Variants in OTOG observed in about 807,000 individuals in gnomAD.
OTOG encodes otogelin.
A neutral mutation model predicts 313.8 loss-of-function variants in OTOG; 296 were observed. That is an observed-to-expected ratio of 0.94 (90% CI 0.86 to 1.04). The LOEUF is 1.04. Ranked by LOEUF, OTOG falls within the 50% of genes least tolerant of loss-of-function variation. The probability of loss-of-function intolerance (pLI) is 0.00; values close to 1 mark genes in which losing one functional copy is unlikely to be tolerated. For synonymous variants in OTOG, 1,533 were observed against 1,554.9 expected (o/e 0.99, Z 0.33); for missense variants, 3,948 against 3,840.1 (o/e 1.03, Z -0.74).
intron 39 of OTOG, among the ~76,000 whole-genome samples, chr11:17,621,050 T>G (rs79787671): frequency 1.3e-5 from 2 of 152,222 alleles, no homozygotes; most frequent in Non-Finnish European, 2.9e-5. Flanking sequence ...TTGTATTTCC[T>G]TGTCTACCGT....
intron 24 of OTOG, among the ~76,000 whole-genome samples, chr11:17,589,211 G>C (rs985523798): frequency 6.6e-6 from 1 of 152,014 alleles, no homozygotes; most frequent in Admixed American, 6.6e-5. Context: ...GGCTCAGAAG[G>C]GTCGAAAAGG....
intron 4 of OTOG, 134 bp from the exon 5 acceptor site, chr11:17,552,985 C>T: frequency 1.3e-6 from 1 of 783,650 alleles, no homozygotes; most frequent in South Asian, 1.7e-5. Flanking sequence ...CCAGCTTGTG[C>T]TAGCTGCTGA....
chr11:17,553,143 G>C lies in OTOG; in HGVS notation c.317G>C (p.Gly106Ala). Reference sequence around the variant, plus strand: ...GACTTGTTCTCCTGCTTCAATGGAGGCGAGTGTGTGCACCCAGCCTTCTGT... The same window carrying C: ...GACTTGTTCTCCTGCTTCAATGGAGCCGAGTGTGTGCACCCAGCCTTCTGT... ...PSYLFSCFNG[G>A]ECVHPAFCDC... The change falls in exon 5 of 56, where the codon GGC becomes GCC. Residue 106 changes from glycine to alanine, a missense_variant. Physicochemically the swap from Gly to Ala is moderately conservative, Grantham distance 60. Transcript: ENST00000399397. The C allele has an allele frequency of 6.4e-7, 1 of 1,550,574 alleles. No individual in the cohort carries two copies. Among genetic ancestry groups the C allele is most frequent in the Non-Finnish European group, 8.7e-7 (1 of 1,146,990 alleles).
rs1313857647 is a variant in OTOG at position 17,639,335 on chromosome 11, G to T, written c.7895-88G>T. 2.9e-5 allele frequency: 40 copies of T among 1,399,162 alleles called. 2 individuals carry two copies. In the Middle Eastern group the frequency reaches 5.3e-4, roughly 18 times the overall value. The allele number at this position is 1,399,162 out of a possible 1,614,324, so 86.7% of individuals were successfully genotyped here. On this transcript the variant is annotated intron_variant, in intron 48 of 55. Coordinates refer to ENST00000399397, the MANE Select transcript of OTOG (RefSeq NM_001292063.2). ...GAGCTGGGTCTTCAGAAGACGGGTT[G>T]TGCCAGCAGTGAGAGGTCCAGGGTA...
chr11:17,585,279 A>G (rs1026699300), intron 23 of OTOG, among the ~76,000 whole-genome samples: 1 of 152,144 alleles, frequency 6.6e-6, no homozygotes, highest in Non-Finnish European at 1.5e-5. Context: ...TAAGTTGTCA[A>G]ATTTATTCAC....
chr11:17,574,597 T>G (rs557813419), intron 19 of OTOG, 123 bp from the exon 20 acceptor site: 2 of 1,004,670 alleles, frequency 2.0e-6, no homozygotes, highest in Non-Finnish European at 2.8e-6. Flanking sequence ...ACCTGCTGTG[T>G]GACCTCAGAC....
intron 3 of OTOG, among the ~76,000 whole-genome samples, chr11:17,551,538 G>A (rs1851932469): frequency 6.6e-6 from 1 of 152,074 alleles, no homozygotes; most frequent in Non-Finnish European, 1.5e-5. Context: ...GGAAGGTTGG[G>A]GTGGGGGTGG....
chr11:17,600,636 C>T (rs1853226346), intron 31 of OTOG, among the ~76,000 whole-genome samples: 1 of 152,138 alleles, frequency 6.6e-6, no homozygotes, highest in African/African-American at 2.4e-5. Flanking sequence ...GCAGTTCTGC[C>T]AAAATGCTAG....
intron 31 of OTOG, among the ~76,000 whole-genome samples, chr11:17,601,556 T>G (rs999874375): frequency 5.4e-5 from 8 of 147,948 alleles, no homozygotes; most frequent in Non-Finnish European, 8.9e-5. Flanking sequence ...TTAGATTCTG[T>G]CCTGAGGGCC....
rs758204301 is a variant in OTOG, at chr11:17,606,127, G to T, written c.4148G>T (p.Arg1383Leu). ...TEVFRRGTLFRLLDAKPSGAA... is the reference protein window; with the variant it reads ...TEVFRRGTLFLLLDAKPSGAA... ...GTGTTCCGCCGGGGCACACTCTTCC[G>T]CCTTCTGGGTAGGCGACCCCCTGCC... Residue 1383 changes from arginine (R) to leucine (L), a missense_variant, in exon 33 of 56, where the codon CGC becomes CTC. By Grantham distance (102) the Arg-to-Leu change is moderately radical (BLOSUM62 -2). Coordinates refer to ENST00000399397, the MANE Select transcript of OTOG (RefSeq NM_001292063.2). 3 of 1,534,236 alleles carry T rather than the reference G, an allele frequency of 2.0e-6. No homozygotes were observed. The African/African-American group carries it at 4.1e-5, about 21-fold the overall frequency.
chr11:17,596,559 G>A (rs964468135), intron 29 of OTOG, among the ~76,000 whole-genome samples: 1 of 152,230 alleles, frequency 6.6e-6, no homozygotes, highest in African/African-American at 2.4e-5. Context: ...GGCCTTGGCT[G>A]TCTCTGGCCC....
At chr11:17,611,524 G>C in intron 36 of OTOG, 101 bp downstream of exon 36, 1 of 1,202,106 alleles carries the variant, frequency 8.3e-7, no homozygotes, top group Non-Finnish European at 1.1e-6. Flanking sequence ...CCTCATACCT[G>C]CCCCATGCTC....
At chr11:17,577,980 G>T (rs1200752193) in intron 22 of OTOG, among the ~76,000 whole-genome samples, 1 of 152,108 alleles carries the variant, frequency 6.6e-6, no homozygotes, top group Non-Finnish European at 1.5e-5. Flanking sequence ...CCCTGCTCCT[G>T]GTCCCTCTGG....
Position 17,642,242 on chromosome 11 carries a change from C to A in OTOG, c.8411C>A (p.Ala2804Asp). 6.5e-7 allele frequency: 1 copy of A among 1,548,448 alleles called. No homozygotes were observed. The highest frequency in any genetic ancestry group is 1.2e-5 in the South Asian group (1 of 83,686). The change falls in exon 53 of 56, where the codon GCC becomes GAC. Residue 2804 changes from alanine to aspartate, a missense_variant. Coordinates refer to ENST00000399397, the MANE Select transcript of OTOG (RefSeq NM_001292063.2). ...CCACCGCTCAATGAGACTGAGTGTG[C>A]CAAGGTCAGTGCCTCCTTCTCCACT... is the stretch of plus-strand genomic sequence containing the variant. Reference protein sequence around the residue: ...SCPPLNETECAKVGGSVVPSL... With the variant: ...SCPPLNETECDKVGGSVVPSL...
intron 22 of OTOG, among the ~76,000 whole-genome samples, chr11:17,577,350 G>A (rs1430171753): frequency 6.6e-6 from 1 of 151,546 alleles, no homozygotes; most frequent in Admixed American, 6.6e-5. Context: ...CTAGGCAACA[G>A]AGATAGGGAT....
At chr11:17,584,815 C>A (rs1052443002) in intron 23 of OTOG, among the ~76,000 whole-genome samples, 1 of 152,186 alleles carries the variant, frequency 6.6e-6, no homozygotes, top group Non-Finnish European at 1.5e-5. Context: ...CATGAGCCAC[C>A]GCACCAAGCC....
At chr11:17,559,207 G>A (rs1421859692) in intron 11 of OTOG, 46 bp downstream of exon 11, 3 of 1,390,670 alleles carry the variant, frequency 2.2e-6, no homozygotes, top group African/African-American at 1.4e-5. Context: ...CAGGCTGTGG[G>A]TGGCATTCTC....
chr11:17,578,518 T>C lies in OTOG; in HGVS notation c.2751T>C (p.Cys917=). Residue 917 remains cysteine (C), a synonymous_variant, in exon 23 of 56, where the codon TGT becomes TGC. Coordinates refer to ENST00000399397, the MANE Select transcript of OTOG (RefSeq NM_001292063.2). The part of the protein sequence containing the change: ...ARGPCLSGCA[C]PQGLLRHGDA... ...GCCCCTGCCTCTCGGGCTGCGCCTGTCCCCAGGGGTAAGTACCCATGGTGT... is the reference window on the plus strand; with the variant it reads ...GCCCCTGCCTCTCGGGCTGCGCCTGCCCCCAGGGGTAAGTACCCATGGTGT... 2 of 1,534,096 alleles carry C rather than the reference T, an allele frequency of 1.3e-6. No homozygotes were observed. Among genetic ancestry groups the C allele is most frequent in the South Asian group, 1.2e-5 (1 of 83,384 alleles).
At chr11:17,643,344 G>A (rs964590563) in intron 53 of OTOG, 117 bp from the exon 54 acceptor site, 2 of 644,458 alleles carry the variant, frequency 3.1e-6, no homozygotes, top group Non-Finnish European at 4.7e-6. Flanking sequence ...CTGCCCTGGG[G>A]CATCACGGGG....
Sources: gnomAD v4.1 joint callset for allele counts (sites outside exome capture counted in the v4.1 genomes callset) on GRCh38, gnomAD v4.1.1 for gene constraint, MANE v1.5 for transcripts, NCBI Gene and HGNC (gene_info 2026-07-23, HGNC 2026-07-21) for gene names.